The following CPNE2 variants were observed in gnomAD, a reference collection of about 807,000 sequenced individuals.
The protein encoded by CPNE2 is copine 2.
A neutral mutation model predicts 69.7 loss-of-function variants in CPNE2; 42 were observed. That is an observed-to-expected ratio of 0.60 (90% CI 0.47 to 0.78). The LOEUF (loss-of-function observed/expected upper bound fraction) is 0.78. Among genes scored for constraint, CPNE2 ranks in the 30% least tolerant of loss-of-function variants. The probability of loss-of-function intolerance (pLI) is 0.00; values close to 1 mark genes in which losing one functional copy is unlikely to be tolerated. For synonymous variants in CPNE2, 294 were observed against 289.8 expected (o/e 1.01, Z -0.15); for missense variants, 587 against 732.0 (o/e 0.80, Z 2.29).
intron 4 of CPNE2, among the ~76,000 whole-genome samples, chr16:57,116,413 G>A (rs2069719717): frequency 6.6e-6 from 1 of 152,106 alleles, no homozygotes. Flanking sequence ...CCCAGGCCAG[G>A]TGCATGGCTT....
At chr16:57,114,485 C>T (rs1382113027) in intron 3 of CPNE2, among the ~76,000 whole-genome samples, 1 of 152,214 alleles carries the variant, frequency 6.6e-6, no homozygotes, top group Non-Finnish European at 1.5e-5. Flanking sequence ...TCCTGCCCAT[C>T]CCCCCAACTG....
At chr16:57,129,606 T>G (rs1438647500) in intron 12 of CPNE2, among the ~76,000 whole-genome samples, 1 of 152,020 alleles carries the variant, frequency 6.6e-6, no homozygotes, top group Non-Finnish European at 1.5e-5. Flanking sequence ...TCATTTGAGG[T>G]CAGAGAGTTT....
In CPNE2 at chr16:57,130,390, A is replaced by T. The variant is rs2069829115; in HGVS notation, c.1116+2487A>T. On this transcript the variant is annotated intron_variant, in intron 12 of 15. Transcript: ENST00000290776. The surrounding 1 kb of genome is among the most constrained non-coding windows in gnomAD (Gnocchi z 4.1). ...AATTAATTAATTAATTAATTAAAAT[A>T]AAAAAAGAGACAGCTGCATGAGAGA... 1.3e-5 allele frequency among the ~76,000 whole-genome samples: 2 copies of T among 151,938 alleles called. No homozygotes were observed. Among genetic ancestry groups the T allele is most frequent in the South Asian group, 2.1e-4 (1 of 4,822 alleles).
chr16:57,117,594 A>T lies in CPNE2; in HGVS notation c.507+27A>T, dbSNP rs1159104267. 3 of 1,610,186 alleles carry T rather than the reference A, an allele frequency of 1.9e-6. 1 individual carries two copies. The highest frequency in any genetic ancestry group is 2.2e-5 in the South Asian group (2 of 90,304). On this transcript the variant is annotated intron_variant, in intron 5 of 15. Coordinates refer to ENST00000290776, the MANE Select transcript of CPNE2 (RefSeq NM_152727.6). ...TAAGGCGGGCAGAGGAAGGGCTCCC[A>T]TTGGGAACAGTAGCCCCCACCAGCC...
At chr16:57,127,715 C>G in intron 11 of CPNE2, 134 bp from the exon 12 acceptor site, 1 of 856,518 alleles carries the variant, frequency 1.2e-6, no homozygotes, top group Non-Finnish European at 1.9e-6. Flanking sequence ...ATCCTAACAG[C>G]TTTTTCTAGA....
chr16:57,117,434 G>A, intron 4 of CPNE2, 62 bp from the exon 5 acceptor site: 7 of 1,554,422 alleles, frequency 4.5e-6, no homozygotes, highest in Non-Finnish European at 5.3e-6. Context: ...GGCACCCTGT[G>A]CCATCCTGCC....
At chr16:57,124,413 C>A (rs775890333) in intron 10 of CPNE2, 39 of 456,168 alleles carry the variant, frequency 8.5e-5, no homozygotes, top group Admixed American at 8.5e-4. Context: ...GGGCACTTGC[C>A]GCCCCGAGAT....
At chr16:57,110,656 G>A in intron 1 of CPNE2, 52 bp from the exon 2 acceptor site, 1 of 1,200,944 alleles carries the variant, frequency 8.3e-7, no homozygotes, top group Non-Finnish European at 1.1e-6. Context: ...CTATGGTGGG[G>A]CAGCATAGCA....
In CPNE2 at chr16:57,123,487, C is replaced by T. The variant is rs775685097; in HGVS notation, c.927+14C>T. 1.9e-5 allele frequency: 30 copies of T among 1,612,420 alleles called. No homozygotes were observed. Among genetic ancestry groups the T allele is most frequent in the African/African-American group, 5.3e-5 (4 of 74,914 alleles). On this transcript the variant is annotated intron_variant, in intron 10 of 15. Transcript: ENST00000290776. ...CTCATGTTCACCGTAAGGCTCTCCC[C>T]GCTGGCTCCCTCTGCACCCCCATCC...
chr16:57,117,829 C>T (rs1490872392), intron 5 of CPNE2, among the ~76,000 whole-genome samples: 3 of 152,140 alleles, frequency 2.0e-5, no homozygotes, highest in African/African-American at 7.2e-5. Context: ...AAGTACATTC[C>T]AAGGTCCTTA....
intron 1 of CPNE2, among the ~76,000 whole-genome samples, chr16:57,097,473 G>C (rs763460047): frequency 2.0e-4 from 30 of 152,208 alleles, no homozygotes; most frequent in Admixed American, 3.3e-4. Context: ...TTACATCTGT[G>C]CACAACCCTC....
At chr16:57,135,407 G>T (rs764320466) in intron 13 of CPNE2, among the ~76,000 whole-genome samples, 11 of 152,214 alleles carry the variant, frequency 7.2e-5, no homozygotes, top group Non-Finnish European at 1.6e-4. Flanking sequence ...TGTGGCTCAT[G>T]CCTGTAATCC....
At chr16:57,099,224 C>T (rs2069597644) in intron 1 of CPNE2, among the ~76,000 whole-genome samples, 1 of 152,214 alleles carries the variant, frequency 6.6e-6, no homozygotes, top group African/African-American at 2.4e-5. Context: ...ACTCCTTTCT[C>T]TCTGGCCCCC....
In CPNE2 at chr16:57,134,827, G is replaced by C; in HGVS notation, c.1168+1G>C. On this transcript the variant is annotated splice_donor_variant, in intron 13 of 15. Coordinates refer to ENST00000290776, the MANE Select transcript of CPNE2 (RefSeq NM_152727.6). LOFTEE classifies it high-confidence loss of function. Reference sequence around the variant, plus strand: ...AACCCCACCAACCCCTTCTGCTCAGGTGAGTGTCAGACCCACCTGCAGCTG... The same window carrying C: ...AACCCCACCAACCCCTTCTGCTCAGCTGAGTGTCAGACCCACCTGCAGCTG... 1 of 1,613,916 alleles carries C rather than the reference G, an allele frequency of 6.2e-7. No homozygotes were observed. The highest frequency in any genetic ancestry group is 8.5e-7 in the Non-Finnish European group (1 of 1,179,908).
chr16:57,099,119 CGTCCACGT>C (rs2069596960), intron 1 of CPNE2, among the ~76,000 whole-genome samples: 1 of 152,172 alleles, frequency 6.6e-6, no homozygotes, highest in African/African-American at 2.4e-5. Flanking sequence ...CAGTAACACC[CGTCCACGT>C]GTCCTACTGC....
chr16:57,134,134 C>T (rs761647329), intron 12 of CPNE2, among the ~76,000 whole-genome samples: 6 of 152,160 alleles, frequency 3.9e-5, no homozygotes, highest in Non-Finnish European at 8.8e-5. Flanking sequence ...CCGGAGTGTC[C>T]GGGTCAGTCT....
At chr16:57,094,194 G>C (rs2069563548) in intron 1 of CPNE2, 1 of 415,006 alleles carries the variant, frequency 2.4e-6, no homozygotes, top group Non-Finnish European at 4.9e-6. Flanking sequence ...GCTTGGGTTC[G>C]TTTTGCGGCC....
intron 14 of CPNE2, chr16:57,140,936 A>G (rs1417839204): frequency 6.8e-6 from 1 of 146,336 alleles, no homozygotes; most frequent in Non-Finnish European, 1.5e-5. Context: ...TAGAGAGGGC[A>G]CAGCAAGAGG....
chr16:57,137,036 C>G, intron 13 of CPNE2, 113 bp from the exon 14 acceptor site: 1 of 1,451,322 alleles, frequency 6.9e-7, no homozygotes, highest in Non-Finnish European at 9.3e-7. Context: ...CCTATGCTAG[C>G]CATGGCAGGG....
Sources: gnomAD v4.1 joint callset for allele counts (sites outside exome capture counted in the v4.1 genomes callset) on GRCh38, gnomAD v4.1.1 for gene constraint, Gnocchi (gnomAD v3.1) non-coding constraint, MANE v1.5 for transcripts, NCBI Gene and HGNC (gene_info 2026-07-23, HGNC 2026-07-21) for gene names.